Variants in CHUK observed in about 807,000 individuals in gnomAD.
CHUK encodes the protein inhibitor of nuclear factor kappa-B kinase subunit alpha.
A neutral mutation model predicts 104.8 loss-of-function variants in CHUK; 35 were observed. The observed-to-expected ratio is 0.33, with a 90% CI of 0.26 to 0.44. The LOEUF (loss-of-function observed/expected upper bound fraction) is 0.44. Ranked by LOEUF, CHUK falls within the 20% of genes least tolerant of loss-of-function variation. CHUK has a pLI of 1.00. For synonymous variants in CHUK, 276 were observed against 291.9 expected (o/e 0.95, Z 0.56); for missense variants, 663 against 902.7 (o/e 0.73, Z 3.40).
chr10:100,201,649 G>A (rs1422892483), intron 14 of CHUK, among the ~76,000 whole-genome samples: 1 of 152,128 alleles, frequency 6.6e-6, no homozygotes, highest in Non-Finnish European at 1.5e-5. Context: ...AAGCCCAGGA[G>A]TTTGATACAA....
intron 8 of CHUK, 145 bp from the exon 9 acceptor site, chr10:100,218,275 T>C: frequency 6.5e-6 from 5 of 765,532 alleles, no homozygotes; most frequent in South Asian, 1.7e-5. Flanking sequence ...TTCAAATTCA[T>C]GAAATGACAG....
chr10:100,202,188 C>T, intron 13 of CHUK, 39 bp from the exon 14 acceptor site: 1 of 1,398,536 alleles, frequency 7.2e-7, no homozygotes, highest in South Asian at 1.2e-5. Context: ...CAGAAATAGC[C>T]ATATCTTTAA....
chr10:100,227,387 C>T (rs1368338916), intron 1 of CHUK, among the ~76,000 whole-genome samples: 1 of 152,064 alleles, frequency 6.6e-6, no homozygotes, highest in Non-Finnish European at 1.5e-5. Flanking sequence ...GTATACTTTA[C>T]CATAATAAAA....
At chr10:100,222,295 A>G in intron 3 of CHUK, 114 bp from the exon 4 acceptor site, 1 of 670,832 alleles carries the variant, frequency 1.5e-6, no homozygotes, top group Non-Finnish European at 2.7e-6. Flanking sequence ...ATAAGTCATA[A>G]TAAAATACAA....
At chr10:100,207,935 T>TACACCTTA (rs1179176821) in intron 10 of CHUK, among the ~76,000 whole-genome samples, 2 of 152,072 alleles carry the variant, frequency 1.3e-5, no homozygotes, top group Non-Finnish European at 2.9e-5. Flanking sequence ...CACTATATTG[T>TACACCTTA]ACACCTTAAA....
intron 2 of CHUK, 96 bp from the exon 3 acceptor site, chr10:100,223,076 G>C: frequency 1.5e-6 from 1 of 682,392 alleles, no homozygotes; most frequent in Non-Finnish European, 2.7e-6. Context: ...GATGAACAGA[G>C]GGGGAAAGAT....
intron 19 of CHUK, among the ~76,000 whole-genome samples, chr10:100,191,290 C>T (rs1845196729): frequency 6.6e-6 from 1 of 152,182 alleles, no homozygotes; most frequent in South Asian, 2.1e-4. Context: ...AGGAAAAAAT[C>T]CTTGTGGCAA....
rs1483468935 is a variant in CHUK, at chr10:100,228,996, C to CACACACACAA, written c.105+431_105+432insTTGTGTGTGT. 2.7e-4 allele frequency among the ~76,000 whole-genome samples: 23 copies of CACACACACAA among 84,216 alleles called. No homozygotes were observed. In the Admixed American group the frequency reaches 3.4e-3, roughly 12 times the overall value. The allele number at this position is 84,216 out of a possible 152,430, so 55.2% of individuals were successfully genotyped here. A position where few individuals can be genotyped will look rare whatever the true frequency, so the allele number is the denominator to read the frequency against. The stretch of plus-strand genomic sequence containing the variant: ...CTCCAAGCGCGCGCGCGCGCGCGCA[C>CACACACACAA]ACACACACACACACACACACACACA... On this transcript the variant is annotated intron_variant, in intron 1 of 20. Transcript: ENST00000370397.
intron 1 of CHUK, among the ~76,000 whole-genome samples, chr10:100,227,662 C>T (rs1846135946): frequency 6.6e-6 from 1 of 151,940 alleles, no homozygotes; most frequent in Non-Finnish European, 1.5e-5. Context: ...CATTCTCTTT[C>T]TCCAAGATTT....
At chr10:100,227,504 T>G (rs1292397290) in intron 1 of CHUK, among the ~76,000 whole-genome samples, 2 of 150,942 alleles carry the variant, frequency 1.3e-5, no homozygotes. Context: ...TAGGCAGGCT[T>G]AGGTAACACA....
chr10:100,227,898 A>G (rs1846140332), intron 1 of CHUK, among the ~76,000 whole-genome samples: 1 of 152,194 alleles, frequency 6.6e-6, no homozygotes, highest in African/African-American at 2.4e-5. Flanking sequence ...AGCCAAGCCC[A>G]GGCATTTTAG....
Position 100,193,363 on chromosome 10 carries a change from T to C in CHUK, c.2043A>G (p.Ala681=). ...GTTCTGCTGAAGTCGGGGGCAGCCA[T>C]GCTGATGTCTGAGGGGTTACTGCAC... is the stretch of plus-strand genomic sequence containing the variant. ...LEGAVTPQTS[A]WLPPTSAEHD... Residue 681 remains alanine, a synonymous_variant, in exon 19 of 21, where the codon GCA becomes GCG. Transcript: ENST00000370397. 2 of 1,614,154 alleles carry C rather than the reference T, an allele frequency of 1.2e-6. No homozygotes were observed. Among genetic ancestry groups the C allele is most frequent in the Non-Finnish European group, 8.5e-7 (1 of 1,180,004 alleles).
chr10:100,207,252 TA>T lies in CHUK; in HGVS notation c.1208del (p.Leu403TyrfsTer5). Reference protein sequence around the residue: ...VYEGPFASRSLSDCVNYIVQD... With the variant: ...VYEGPFASRSXSDCVNYIVQD... ...TACCAATATAATTTACACAATCAGA[TA>T]AACTTCTGGAAGCAAATGGCCCTTC... On this transcript the variant is annotated frameshift_variant, in exon 11 of 21. Coordinates refer to ENST00000370397, the MANE Select transcript of CHUK (RefSeq NM_001278.5). LOFTEE classifies it high-confidence loss of function. 1 of 1,539,190 alleles carries T rather than the reference TA, an allele frequency of 6.5e-7. No homozygotes were observed. Among genetic ancestry groups the T allele is most frequent in the Non-Finnish European group, 9.0e-7 (1 of 1,112,832 alleles).
Position 100,188,995 on chromosome 10 carries a change from C to G in CHUK, c.*603G>C, listed in dbSNP as rs1845134138. 1 of 152,408 alleles carries G rather than the reference C, an allele frequency of 6.6e-6. No homozygotes were observed. The highest frequency in any genetic ancestry group is 1.5e-5 in the Non-Finnish European group (1 of 68,232). 9.4% of individuals were successfully genotyped at this position (152,408 alleles called of 1,614,324 possible). A position where few individuals can be genotyped will look rare whatever the true frequency, so the allele number is the denominator to read the frequency against. On this transcript the variant is annotated 3_prime_UTR_variant, in exon 21 of 21. Coordinates refer to ENST00000370397, the MANE Select transcript of CHUK (RefSeq NM_001278.5). ...TATTAGAAGCACAGATACACAATCC[C>G]TTCGATGAGAAGGGGATACTGTTAA...
In CHUK at chr10:100,213,815, C is replaced by A. The variant is rs376606413; in HGVS notation, c.934-4026G>T. Among the ~76,000 whole-genome samples, 199 of 152,330 alleles carry A rather than the reference C, an allele frequency of 1.3e-3. 3 individuals carry two copies. Among genetic ancestry groups the A allele is most frequent in the South Asian group, 0.012 (59 of 4,820 alleles). On this transcript the variant is annotated intron_variant, in intron 9 of 20. Coordinates refer to ENST00000370397, the MANE Select transcript of CHUK (RefSeq NM_001278.5). ...GGGATTACAGGCATGAGCCACCACA[C>A]CTGTATCAACAAAATTTTAAAAAAG...
chr10:100,191,917 G>A lies in CHUK; in HGVS notation c.2109-949C>T, dbSNP rs566505883. On this transcript the variant is annotated intron_variant, in intron 19 of 20. Transcript: ENST00000370397. ...GTGGATTACTTGAGGTCAGGAGTTC[G>A]AGACCAGCCTGGCCAACATGGTGAA... Among the ~76,000 whole-genome samples the A allele has an allele frequency of 6.6e-5, 10 of 152,244 alleles. No homozygotes were observed. The East Asian group carries it at 1.3e-3, about 21-fold the overall frequency.
intron 18 of CHUK, chr10:100,193,652 C>T: frequency 4.9e-6 from 3 of 615,866 alleles, no homozygotes; most frequent in Non-Finnish European, 5.6e-6. Context: ...TCATCTTATA[C>T]CATTTTAGTT....
intron 20 of CHUK, chr10:100,190,554 GA>G: frequency 2.7e-6 from 1 of 371,062 alleles, no homozygotes; most frequent in Non-Finnish European, 5.1e-6. Context: ...TCTTAATGGA[GA>G]AAATTGATTG....
Position 100,207,331 on chromosome 10 carries a change from C to G in CHUK, c.1130G>C (p.Arg377Thr). The G allele has an allele frequency of 7.1e-7, 1 of 1,406,738 alleles. No individual in the cohort carries two copies. Among genetic ancestry groups the G allele is most frequent in the Non-Finnish European group, 1.0e-6 (1 of 992,498 alleles). The allele number at this position is 1,406,738 out of a possible 1,614,324, so 87.1% of individuals were successfully genotyped here. The change falls in exon 11 of 21, where the codon AGA becomes ACA. Residue 377 changes from arginine (R) to threonine (T), a missense_variant and splice_region_variant. By Grantham distance (71) the Arg-to-Thr change is moderately conservative (BLOSUM62 -1). This residue lies in a region of CHUK where 93 missense variants were observed against 95.9 expected (regional missense o/e 0.97). Transcript: ENST00000370397. The part of the protein sequence containing the change: ...PASQCVLDGV[R>T]GCDSYMVYLF... Reference sequence around the variant, plus strand: ...ATAAACCATATAGCTATCACAGCCTCTCTGAAAAAGAAACAAACAGTTAAA... The same window carrying G: ...ATAAACCATATAGCTATCACAGCCTGTCTGAAAAAGAAACAAACAGTTAAA...
Sources: gnomAD v4.1 joint callset for allele counts (sites outside exome capture counted in the v4.1 genomes callset) on GRCh38, gnomAD v4.1.1 for gene constraint, gnomAD v4.1.1 regional missense constraint, MANE v1.5 for transcripts, NCBI Gene and HGNC (gene_info 2026-07-23, HGNC 2026-07-21) for gene names.